Variants in SIK3 observed in about 807,000 individuals in gnomAD.
SIK3 encodes serine/threonine-protein kinase SIK3.
SIK3 carries 28 observed loss-of-function variants against 144.2 expected under a neutral mutation model. The ratio of observed to expected loss-of-function variants is 0.19; its 90% CI spans 0.14 to 0.27. SIK3 has a LOEUF of 0.27. SIK3 is among the 10% of genes least tolerant of loss of function. The pLI is 1.00. For missense variants in SIK3, 1,319 were observed against 1,776.0 expected (o/e 0.74, Z 4.62); for synonymous variants, 686 against 676.3 (o/e 1.01, Z -0.22).
In SIK3 at chr11:116,858,375, G is replaced by A. The variant is rs745393224; in HGVS notation, c.3090C>T (p.His1030=). ...LLSPRHSLTG[H]SDIRLPPTEF... is the part of the protein sequence containing the mutation. ...CTGTTGGGGGCAGCCGGATGTCCGA[G>A]TGGCCGGTGAGCGAATGCCGGGGAG... The change falls in exon 21 of 25, where the codon CAC becomes CAT. Residue 1030 remains histidine, a synonymous_variant. Coordinates refer to ENST00000445177, the MANE Select transcript of SIK3 (RefSeq NM_001366686.3). The surrounding 1 kb of genome is among the most constrained non-coding windows in gnomAD (Gnocchi z 5.4). 2 of 1,613,752 alleles carry A rather than the reference G, an allele frequency of 1.2e-6. No homozygotes were observed. The highest frequency in any genetic ancestry group is 2.2e-5 in the South Asian group (2 of 91,002).
At chr11:116,855,141 A>G (rs1942802616) in intron 21 of SIK3, 1 of 150,244 alleles carries the variant, frequency 6.7e-6, no homozygotes. Flanking sequence ...AGCTGAATCT[A>G]GACGATGCAT....
chr11:116,968,670 T>TACTGA (rs1435323843), intron 1 of SIK3, among the ~76,000 whole-genome samples: 1 of 152,318 alleles, frequency 6.6e-6, no homozygotes, highest in East Asian at 1.9e-4. Context: ...ACATCCTAAA[T>TACTGA]ACTGACCTTC....
intron 5 of SIK3, among the ~76,000 whole-genome samples, chr11:116,896,895 C>T (rs1327846062): frequency 6.6e-6 from 1 of 152,032 alleles, no homozygotes; most frequent in Non-Finnish European, 1.5e-5. Context: ...AGTGTGGTGG[C>T]TTGTGCCTGT....
intron 1 of SIK3, among the ~76,000 whole-genome samples, chr11:117,038,708 TCAC>T (rs112870705): frequency 0.16 from 24,573 of 151,966 alleles, 2,069 homozygotes; most frequent in Admixed American, 0.21. Flanking sequence ...TTGTTAATAA[TCAC>T]TCATTTCTTC....
intron 1 of SIK3, among the ~76,000 whole-genome samples, chr11:117,070,942 C>T (rs979499250): frequency 3.3e-5 from 5 of 151,274 alleles, no homozygotes; most frequent in African/African-American, 7.3e-5. Context: ...TTAGTAGAGA[C>T]GGGGTTTCAC....
chr11:117,014,726 A>G (rs1951447955), intron 1 of SIK3, among the ~76,000 whole-genome samples: 1 of 152,214 alleles, frequency 6.6e-6, no homozygotes, highest in Non-Finnish European at 1.5e-5. Context: ...GATTACCATA[A>G]CCTAACCAAT....
At chr11:117,078,255 C>G (rs571835025) in intron 1 of SIK3, among the ~76,000 whole-genome samples, 205 of 152,180 alleles carry the variant, frequency 1.3e-3, no homozygotes, top group Non-Finnish European at 2.3e-3. Flanking sequence ...AGAAAGGAGG[C>G]TACACTAAAG....
chr11:116,983,695 C>T (rs536445632), intron 1 of SIK3, among the ~76,000 whole-genome samples: 1 of 152,200 alleles, frequency 6.6e-6, no homozygotes, highest in East Asian at 1.9e-4. Flanking sequence ...ACTTCTGCCC[C>T]GATACTTCAC....
intron 1 of SIK3, among the ~76,000 whole-genome samples, chr11:116,987,331 A>AAC (rs1555118752): frequency 6.8e-6 from 1 of 146,636 alleles, no homozygotes; most frequent in Non-Finnish European, 1.5e-5. Flanking sequence ...TAAAAAAAAA[A>AAC]AAAAAAACAC....
At chr11:116,965,198 C>T (rs1034262491) in intron 1 of SIK3, among the ~76,000 whole-genome samples, 25 of 152,074 alleles carry the variant, frequency 1.6e-4, no homozygotes, top group African/African-American at 6.0e-4. Flanking sequence ...TCCAGTAATT[C>T]CCATCTGGTT....
rs146594792 is a variant in SIK3, at chr11:117,058,002, C to G, written c.273+40141G>C. ...ATCTACCTTTAGGCAAATGGAAGGT[C>G]AGGGAAAACTTTCTTGAGAAAGGAA... On this transcript the variant is annotated intron_variant, in intron 1 of 24. Transcript: ENST00000445177. 2.1e-3 allele frequency among the ~76,000 whole-genome samples: 312 copies of G among 152,174 alleles called. 3 individuals carry two copies. Among genetic ancestry groups the G allele is most frequent in the African/African-American group, 7.0e-3 (291 of 41,516 alleles).
At chr11:116,969,831 G>A (rs1949705682) in intron 1 of SIK3, among the ~76,000 whole-genome samples, 1 of 152,196 alleles carries the variant, frequency 6.6e-6, no homozygotes, top group Non-Finnish European at 1.5e-5. Flanking sequence ...AGAACAGTTT[G>A]GAAATCACTG....
chr11:117,003,800 A>T (rs968899286), intron 1 of SIK3, among the ~76,000 whole-genome samples: 15 of 152,162 alleles, frequency 9.9e-5, no homozygotes, highest in Non-Finnish European at 2.1e-4. Flanking sequence ...AAAAAGAAAC[A>T]ATTCAAGCTG....
chr11:116,966,373 C>T (rs78044162), intron 1 of SIK3, among the ~76,000 whole-genome samples: 14,811 of 151,646 alleles, frequency 0.098, 828 homozygotes, highest in South Asian at 0.19. Context: ...CCAGCCTGGG[C>T]GAGAGGGAGA....
chr11:117,025,712 G>A (rs539781122), intron 1 of SIK3, among the ~76,000 whole-genome samples: 4 of 152,194 alleles, frequency 2.6e-5, no homozygotes, highest in African/African-American at 7.2e-5. Context: ...GATTACAGAT[G>A]TGATCCACCA....
At chr11:116,925,490 G>A (rs1947227070) in intron 4 of SIK3, among the ~76,000 whole-genome samples, 1 of 152,236 alleles carries the variant, frequency 6.6e-6, no homozygotes, top group African/African-American at 2.4e-5. Flanking sequence ...GAGCCTCCAG[G>A]AGGAACAGCC....
intron 1 of SIK3, among the ~76,000 whole-genome samples, chr11:117,011,066 G>A (rs183615562): frequency 1.9e-3 from 288 of 152,298 alleles, no homozygotes; most frequent in Admixed American, 3.9e-3. Flanking sequence ...GTTGCAGTGA[G>A]CCAAGATTGC....
chr11:117,060,097 C>A (rs1953725724), intron 1 of SIK3, among the ~76,000 whole-genome samples: 1 of 152,086 alleles, frequency 6.6e-6, no homozygotes, highest in Non-Finnish European at 1.5e-5. Flanking sequence ...TGAAAGCAAC[C>A]AACAAGTTCC....
At chr11:117,035,384 C>T (rs2135821773) in intron 1 of SIK3, among the ~76,000 whole-genome samples, 1 of 152,232 alleles carries the variant, frequency 6.6e-6, no homozygotes, top group East Asian at 1.9e-4. Context: ...ATGATTCTAT[C>T]AATTCATTAA....
Sources: gnomAD v4.1 joint callset for allele counts (sites outside exome capture counted in the v4.1 genomes callset) on GRCh38, gnomAD v4.1.1 for gene constraint, Gnocchi (gnomAD v3.1) non-coding constraint, MANE v1.5 for transcripts, NCBI Gene and HGNC (gene_info 2026-07-23, HGNC 2026-07-21) for gene names.